ZC3H11A: variants seen among roughly 807,000 people sequenced by gnomAD.
ZC3H11A encodes the protein zinc finger CCCH domain-containing protein 11A.
In ZC3H11A, 22 loss-of-function variants were observed where a neutral mutation model predicts 90.8. The observed-to-expected ratio is 0.24, with a 90% confidence interval of 0.17 to 0.35. The LOEUF (loss-of-function observed/expected upper bound fraction) is 0.35, where lower values mean the gene tolerates loss of function less well. Ranked by LOEUF, ZC3H11A falls within the 10% of genes least tolerant of loss-of-function variation. The pLI is 1.00. For synonymous variants in ZC3H11A, 294 were observed against 339.8 expected (o/e 0.87, Z 1.48); for missense variants, 701 against 964.9 (o/e 0.73, Z 3.62).
At chr1:203,798,579 A>G (rs775730425) in intron 1 of ZC3H11A, 8 of 1,536,174 alleles carry the variant, frequency 5.2e-6, no homozygotes, top group Non-Finnish European at 7.0e-6. Context: ...AGAAAAGTCT[A>G]CAGGCAGCCA....
chr1:203,799,401 C>G, intron 1 of ZC3H11A: 2 of 703,158 alleles, frequency 2.8e-6, no homozygotes, highest in East Asian at 2.7e-5. Context: ...TCAGATACTG[C>G]AAGAGTTCCA....
At chr1:203,845,185 G>A (rs1278150377) in intron 12 of ZC3H11A, among the ~76,000 whole-genome samples, 1 of 152,082 alleles carries the variant, frequency 6.6e-6, no homozygotes, top group African/African-American at 2.4e-5. Flanking sequence ...AATTCTTCAA[G>A]ATGTATGCTC....
At chr1:203,809,971 CA>C (rs1175128365) in intron 2 of ZC3H11A, among the ~76,000 whole-genome samples, 3 of 151,166 alleles carry the variant, frequency 2.0e-5, no homozygotes, top group Non-Finnish European at 3.0e-5. Flanking sequence ...CAAAACTAAA[CA>C]AAAAAAAGTA....
Position 203,798,672 on chromosome 1 carries a change from C to A in ZC3H11A, c.-1588+2878C>A, listed in dbSNP as rs983804082. On this transcript the variant is annotated intron_variant, in intron 1 of 17. Coordinates refer to ENST00000367210, the MANE Select transcript of ZC3H11A (RefSeq NM_001376342.1). The stretch of plus-strand genomic sequence containing the variant: ...TGAAAACAGATCTGAAAGTCCTATT[C>A]CCGTTGCAGAGCAAGGCACTCTGAT... 3 of 1,536,008 alleles carry A rather than the reference C, an allele frequency of 2.0e-6. No individual in the cohort carries two copies. In the African/African-American group the frequency reaches 4.1e-5, roughly 21 times the overall value.
intron 17 of ZC3H11A, among the ~76,000 whole-genome samples, chr1:203,851,325 G>T (rs992403261): frequency 9.2e-5 from 14 of 152,226 alleles, no homozygotes; most frequent in African/African-American, 2.9e-4. Flanking sequence ...TTACCTAAAA[G>T]ATGTTTTTTT....
chr1:203,845,248 A>T (rs1687572159), intron 12 of ZC3H11A, among the ~76,000 whole-genome samples: 3 of 151,982 alleles, frequency 2.0e-5, no homozygotes, highest in African/African-American at 4.8e-5. Context: ...TTTATTTTTA[A>T]TGTTTTATCA....
At chr1:203,827,720 C>G (rs1233967440) in intron 4 of ZC3H11A, among the ~76,000 whole-genome samples, 1 of 151,792 alleles carries the variant, frequency 6.6e-6, no homozygotes, top group Non-Finnish European at 1.5e-5. Context: ...GGAAGGATAC[C>G]TAACATCCTT....
At chr1:203,844,320 C>T (rs959840914) in intron 12 of ZC3H11A, among the ~76,000 whole-genome samples, 5 of 152,168 alleles carry the variant, frequency 3.3e-5, no homozygotes, top group Non-Finnish European at 7.4e-5. Context: ...TGCAATCACG[C>T]CTGGCTAACT....
At chr1:203,840,450 C>T in intron 12 of ZC3H11A, 76 bp downstream of exon 12, 1 of 1,420,004 alleles carries the variant, frequency 7.0e-7, no homozygotes, top group Non-Finnish European at 9.7e-7. Flanking sequence ...TCAGATTTAC[C>T]TGTTGCTTGC....
At chr1:203,840,478 GTTC>G (rs1435662100) in intron 12 of ZC3H11A, 104 bp downstream of exon 12, 9 of 1,181,124 alleles carry the variant, frequency 7.6e-6, no homozygotes, top group Non-Finnish European at 4.8e-6. Context: ...TTTGATTTTT[GTTC>G]TTTTGTAGTT....
intron 1 of ZC3H11A, chr1:203,797,649 G>A (rs1246902168): frequency 4.6e-6 from 7 of 1,535,928 alleles, no homozygotes; most frequent in Non-Finnish European, 6.1e-6. Context: ...AGAAGATGTG[G>A]TAGAGGAAAA....
chr1:203,837,400 A>G (rs1684693861), intron 10 of ZC3H11A, among the ~76,000 whole-genome samples: 1 of 150,514 alleles, frequency 6.6e-6, no homozygotes, highest in South Asian at 2.1e-4. Context: ...TTGTCAGTTA[A>G]TTTATTTGGT....
intron 1 of ZC3H11A, chr1:203,796,129 G>C (rs553067410): frequency 1.9e-5 from 4 of 211,014 alleles, no homozygotes; most frequent in African/African-American, 2.3e-5. Flanking sequence ...GAGGAGCCCG[G>C]AGCAGCCCCG....
At chr1:203,851,154 C>A in intron 17 of ZC3H11A, 30 bp downstream of exon 17, 1 of 1,603,564 alleles carries the variant, frequency 6.2e-7, no homozygotes. Flanking sequence ...TCTAAACAAA[C>A]TCCAGGCCCC....
At chr1:203,798,686 A>T (rs1669502784) in intron 1 of ZC3H11A, 1 of 1,536,048 alleles carries the variant, frequency 6.5e-7, no homozygotes, top group East Asian at 2.4e-5. Context: ...TTGCAGAGCA[A>T]GGCACTCTGA....
chr1:203,812,153 G>C lies in ZC3H11A; in HGVS notation c.-145-4773G>C, dbSNP rs36030067. 1.9e-3 allele frequency among the ~76,000 whole-genome samples: 288 copies of C among 152,200 alleles called. 2 individuals are homozygous for C. Among genetic ancestry groups the C allele is most frequent in the African/African-American group, 6.6e-3 (273 of 41,518 alleles). On this transcript the variant is annotated intron_variant, in intron 2 of 17. Transcript: ENST00000367210. ...TTTAAATTCAGGGGTACATGTGCAG[G>C]ATGTGCAGGTTTGTTACACAGGTAA...
intron 1 of ZC3H11A, chr1:203,801,118 T>C (rs1670433639): frequency 6.6e-6 from 1 of 152,142 alleles, no homozygotes; most frequent in Non-Finnish European, 1.5e-5. Flanking sequence ...CTTTATAAAA[T>C]ATTATAAAAA....
chr1:203,797,859 A>G (rs1669138394), intron 1 of ZC3H11A: 5 of 1,536,000 alleles, frequency 3.3e-6, no homozygotes, highest in Non-Finnish European at 4.4e-6. Context: ...GGATGAAGAA[A>G]GTCTTTTTGA....
intron 1 of ZC3H11A, chr1:203,797,449 G>A (rs1219399401): frequency 7.4e-7 from 1 of 1,346,780 alleles, no homozygotes; most frequent in Non-Finnish European, 9.8e-7. Context: ...CAAGTAGAGA[G>A]GAACAGCTGT....
Sources: gnomAD v4.1 joint callset for allele counts (sites outside exome capture counted in the v4.1 genomes callset) on GRCh38, gnomAD v4.1.1 for gene constraint, MANE v1.5 for transcripts, NCBI Gene and HGNC (gene_info 2026-07-23, HGNC 2026-07-21) for gene names.